Variants in IL1RAPL1 observed in about 807,000 individuals in gnomAD.
The protein encoded by IL1RAPL1 is interleukin 1 receptor accessory protein like 1.
IL1RAPL1 carries 3 observed loss-of-function variants against 48.4 expected under a neutral mutation model. The observed-to-expected ratio is 0.06, with a 90% CI of 0.03 to 0.16. IL1RAPL1 has a LOEUF of 0.16. Among genes scored for constraint, IL1RAPL1 ranks in the 10% least tolerant of loss-of-function variants. The pLI, the probability that IL1RAPL1 is intolerant of heterozygous loss-of-function variation, is 1.00. For missense variants in IL1RAPL1, 349 were observed against 530.6 expected, an observed-to-expected ratio of 0.66 and a Z score of 3.36; for synonymous variants, 185 against 187.7, an observed-to-expected ratio of 0.99 and a Z score of 0.12.
At chrX:28,968,722 A>C (rs1028425647) in intron 2 of IL1RAPL1, among the ~76,000 whole-genome samples, 2 of 112,829 alleles carry the variant, frequency 1.8e-5, no homozygotes, top group African/African-American at 6.4e-5. Flanking sequence ...CAGGAATCAA[A>C]ATTCTACAGA....
At position 29,093,788 on chromosome X, in the gene IL1RAPL1, C is replaced by T. The variant is rs1277392252; in HGVS notation, c.83-189150C>T. Among the ~76,000 whole-genome samples the T allele has an allele frequency of 2.7e-5, 3 of 111,730 alleles. No homozygotes were observed. The Admixed American group carries it at 2.9e-4, about 11-fold the overall frequency. ...TGATTAGTCTCTTAAGTTAAACTTA[C>T]TGCCTTGGTGAGCAATGGTAAGGTA... On this transcript the variant is annotated intron_variant, in intron 2 of 10. Transcript: ENST00000378993.
chrX:29,252,139 T>C (rs1314809969), intron 2 of IL1RAPL1, among the ~76,000 whole-genome samples: 1 of 108,065 alleles, frequency 9.3e-6, no homozygotes, highest in Admixed American at 9.5e-5. Context: ...GGGGGAGGGA[T>C]AGCTTTAGGA....
intron 6 of IL1RAPL1, among the ~76,000 whole-genome samples, chrX:29,908,697 C>G (rs1394184452): frequency 9.0e-6 from 1 of 111,684 alleles, no homozygotes; most frequent in Non-Finnish European, 1.9e-5. Flanking sequence ...ATCAAAAGGA[C>G]AAATTTTTAA....
At chrX:28,617,506 TAA>T (rs1934234870) in intron 1 of IL1RAPL1, among the ~76,000 whole-genome samples, 1 of 112,196 alleles carries the variant, frequency 8.9e-6, no homozygotes, top group Admixed American at 9.5e-5. Context: ...CTTTGAGAAT[TAA>T]AAGAGTCAAC....
intron 2 of IL1RAPL1, among the ~76,000 whole-genome samples, chrX:29,098,015 C>G (rs1038734043): frequency 1.8e-5 from 2 of 111,958 alleles, no homozygotes; most frequent in African/African-American, 6.5e-5. Flanking sequence ...TCTATATTCA[C>G]TTTACCCAAT....
At chrX:29,108,597 C>T (rs1928495902) in intron 2 of IL1RAPL1, among the ~76,000 whole-genome samples, 1 of 110,386 alleles carries the variant, frequency 9.1e-6, no homozygotes, top group Non-Finnish European at 1.9e-5. Flanking sequence ...GATGGGGTTT[C>T]TCCATGTTGG....
At chrX:29,356,574 C>A (rs1479208832) in intron 3 of IL1RAPL1, among the ~76,000 whole-genome samples, 1 of 110,601 alleles carries the variant, frequency 9.0e-6, no homozygotes, top group African/African-American at 3.3e-5. Context: ...CACATACACA[C>A]ACACACACAC....
intron 5 of IL1RAPL1, among the ~76,000 whole-genome samples, chrX:29,473,311 A>G (rs1345354833): frequency 1.8e-5 from 2 of 111,710 alleles, no homozygotes; most frequent in South Asian, 7.5e-4. Context: ...TACATCTGTA[A>G]TGACGTTATT....
chrX:28,707,797 GT>G (rs2146933377), intron 1 of IL1RAPL1, among the ~76,000 whole-genome samples: 1 of 111,901 alleles, frequency 8.9e-6, no homozygotes, highest in South Asian at 3.7e-4. Flanking sequence ...ATATTTAAAG[GT>G]CTTTCCTCCT....
intron 6 of IL1RAPL1, among the ~76,000 whole-genome samples, chrX:29,709,435 T>A (rs1255313539): frequency 8.9e-6 from 1 of 111,974 alleles, no homozygotes; most frequent in Non-Finnish European, 1.9e-5. Context: ...TTAGCACCTT[T>A]TTGAAAATCA....
At chrX:29,092,831 G>A (rs1040556866) in intron 2 of IL1RAPL1, among the ~76,000 whole-genome samples, 1 of 111,682 alleles carries the variant, frequency 9.0e-6, no homozygotes, top group South Asian at 3.7e-4. Context: ...GCATATGTAA[G>A]TTTTGAAAAA....
intron 5 of IL1RAPL1, among the ~76,000 whole-genome samples, chrX:29,620,430 A>G (rs1212626133): frequency 1.8e-5 from 2 of 111,859 alleles, no homozygotes; most frequent in Non-Finnish European, 3.8e-5. Context: ...CTGTAGGCAG[A>G]TGTAATACAA....
intron 2 of IL1RAPL1, among the ~76,000 whole-genome samples, chrX:28,892,800 G>A (rs1459045250): frequency 9.0e-6 from 1 of 110,680 alleles, no homozygotes; most frequent in Non-Finnish European, 1.9e-5. Flanking sequence ...AACATTTGTT[G>A]TGTAGAATTA....
intron 2 of IL1RAPL1, among the ~76,000 whole-genome samples, chrX:29,264,327 T>C (rs1382079283): frequency 9.0e-6 from 1 of 111,622 alleles, no homozygotes; most frequent in Non-Finnish European, 1.9e-5. Context: ...CTGCAGTCTC[T>C]GGAGTGTGTG....
At chrX:29,828,290 G>C (rs1191160242) in intron 6 of IL1RAPL1, among the ~76,000 whole-genome samples, 4 of 111,815 alleles carry the variant, frequency 3.6e-5, no homozygotes, top group African/African-American at 1.3e-4. Flanking sequence ...AGAGTTCTGA[G>C]AAGAGAGTCA....
chrX:29,161,538 G>A (rs1252717794), intron 2 of IL1RAPL1, among the ~76,000 whole-genome samples: 2 of 112,173 alleles, frequency 1.8e-5, no homozygotes, highest in African/African-American at 3.2e-5. Context: ...TATTTAATAA[G>A]TAAATAAAAA....
intron 5 of IL1RAPL1, among the ~76,000 whole-genome samples, chrX:29,437,138 G>A (rs977917473): frequency 9.1e-6 from 1 of 110,371 alleles, no homozygotes; most frequent in African/African-American, 3.3e-5. Flanking sequence ...TTTATTTGTG[G>A]GACTTTTTAT....
At chrX:29,442,450 A>G (rs1239048290) in intron 5 of IL1RAPL1, among the ~76,000 whole-genome samples, 1 of 111,622 alleles carries the variant, frequency 9.0e-6, no homozygotes, top group African/African-American at 3.3e-5. Flanking sequence ...ATCACCACTA[A>G]AGAATTTACT....
intron 6 of IL1RAPL1, among the ~76,000 whole-genome samples, chrX:29,845,108 A>G: frequency 8.9e-6 from 1 of 112,506 alleles, no homozygotes; most frequent in Non-Finnish European, 1.9e-5. Flanking sequence ...GAACTGTGAC[A>G]GAATACATTT....
Sources: gnomAD v4.1 joint callset for allele counts (sites outside exome capture counted in the v4.1 genomes callset) on GRCh38, gnomAD v4.1.1 for gene constraint, MANE v1.5 for transcripts, NCBI Gene and HGNC (gene_info 2026-07-23, HGNC 2026-07-21) for gene names.